CDK15: variants seen among roughly 807,000 people sequenced by gnomAD.
CDK15 encodes the protein cyclin dependent kinase 15.
A neutral mutation model predicts 60.3 loss-of-function variants in CDK15; 62 were observed. The ratio of observed to expected loss-of-function variants is 1.03; its 90% CI spans 0.84 to 1.27. CDK15 has a LOEUF of 1.27. Among genes scored for constraint, CDK15 ranks in the 50% most tolerant of loss-of-function variants. The probability of loss-of-function intolerance (pLI) is 0.00; values close to 1 mark genes in which losing one functional copy is unlikely to be tolerated. For missense variants in CDK15, 541 were observed against 527.8 expected, an observed-to-expected ratio of 1.03 and a Z score of -0.25; for synonymous variants, 194 against 195.7, an observed-to-expected ratio of 0.99 and a Z score of 0.07.
At chr2:201,829,626 G>A (rs1312081254) in intron 6 of CDK15, among the ~76,000 whole-genome samples, 1 of 152,106 alleles carries the variant, frequency 6.6e-6, no homozygotes, top group Non-Finnish European at 1.5e-5. Context: ...AAGGCAATCT[G>A]AGTTGGAGAT....
At chr2:201,855,910 C>T (rs1447317550) in intron 10 of CDK15, among the ~76,000 whole-genome samples, 1 of 151,270 alleles carries the variant, frequency 6.6e-6, no homozygotes, top group Non-Finnish European at 1.5e-5. Context: ...ACTGCAACCT[C>T]CACCTCCTGG....
rs199591982 is a variant in CDK15, at chr2:201,810,837, C to CTT, written c.369-1624_369-1623dup. ...ATAAATCATGATGATGGTATGCACT[C>CTT]TTTTTTTTTTTTTTTTTTTTTTTCT... is the stretch of plus-strand genomic sequence containing the variant. On this transcript the variant is annotated intron_variant, in intron 3 of 13. Coordinates refer to ENST00000652192, the MANE Select transcript of CDK15 (RefSeq NM_001366386.2). Among the ~76,000 whole-genome samples, 847 of 123,394 alleles carry CTT rather than the reference C, an allele frequency of 6.9e-3. 2 individuals are homozygous for CTT. The highest frequency in any genetic ancestry group is 8.8e-3 in the Non-Finnish European group (520 of 59,340). The allele number at this position is 123,394 out of a possible 152,430, so 81.0% of individuals were successfully genotyped here.
chr2:201,833,354 T>C (rs1464577755), intron 6 of CDK15, among the ~76,000 whole-genome samples: 1 of 152,222 alleles, frequency 6.6e-6, no homozygotes, highest in Non-Finnish European at 1.5e-5. Context: ...CATCTAAAGA[T>C]ATATTTTTTA....
rs199758419 is a variant in CDK15, at chr2:201,807,909, C to T, written c.325C>T (p.Leu109=). Residue 109 remains leucine (L), a synonymous_variant, in exon 3 of 14, where the codon CTG becomes TTG. Transcript: ENST00000652192. ...AASSYLNLEK[L]GEGSYATVYK... ...CTCATCTTACTTGAACTTGGAGAAG[C>T]TGGGTGAAGGCTCTTATGCGACAGT... is the stretch of plus-strand genomic sequence containing the variant. 3 of 1,614,154 alleles carry T rather than the reference C, an allele frequency of 1.9e-6. No homozygotes were observed. The highest frequency in any genetic ancestry group is 2.5e-6 in the Non-Finnish European group (3 of 1,180,026).
intron 8 of CDK15, among the ~76,000 whole-genome samples, chr2:201,836,118 A>ATTTTTATAT (rs1326442680): frequency 2.9e-5 from 1 of 34,924 alleles, no homozygotes; most frequent in Non-Finnish European, 5.9e-5. Context: ...ATTTATATAT[A>ATTTTTATAT]TTATATATTT....
At chr2:201,858,558 G>C (rs571904589) in intron 10 of CDK15, among the ~76,000 whole-genome samples, 1 of 152,216 alleles carries the variant, frequency 6.6e-6, no homozygotes, top group East Asian at 1.9e-4. Context: ...TGAAAAGTAG[G>C]CTTTGAAAAG....
Position 201,812,129 on chromosome 2 carries a change from G to A in CDK15, c.369-354G>A, listed in dbSNP as rs577044933. Among the ~76,000 whole-genome samples, 16 of 146,616 alleles carry A rather than the reference G, an allele frequency of 1.1e-4. 1 individual carries two copies. The highest frequency in any genetic ancestry group is 7.0e-3 in the Middle Eastern group (2 of 284). On this transcript the variant is annotated intron_variant, in intron 3 of 13. Coordinates refer to ENST00000652192, the MANE Select transcript of CDK15 (RefSeq NM_001366386.2). ...GTGGAGGTTGCAGTGAGCCAAGATC[G>A]TGCCACTGTACTCCAGCCTGGGCAA...
intron 4 of CDK15, among the ~76,000 whole-genome samples, chr2:201,815,268 TAAC>T (rs1207463560): frequency 6.6e-6 from 1 of 152,200 alleles, no homozygotes; most frequent in Non-Finnish European, 1.5e-5. Context: ...TCAATCCTCT[TAAC>T]AATCTTTAGA....
At chr2:201,868,544 G>T (rs1698723260) in intron 10 of CDK15, among the ~76,000 whole-genome samples, 1 of 152,142 alleles carries the variant, frequency 6.6e-6, no homozygotes, top group Non-Finnish European at 1.5e-5. Context: ...TTATTTCATT[G>T]GTTCGCTTCA....
chr2:201,872,676 G>A (rs1307876661), intron 11 of CDK15, among the ~76,000 whole-genome samples: 5 of 150,728 alleles, frequency 3.3e-5, no homozygotes, highest in Admixed American at 6.6e-5. Flanking sequence ...TGGAGGGGGG[G>A]CAACTTGATT....
intron 13 of CDK15, among the ~76,000 whole-genome samples, chr2:201,892,758 T>A (rs1326418965): frequency 1.3e-5 from 2 of 152,252 alleles, no homozygotes; most frequent in African/African-American, 4.8e-5. Context: ...AGTAATCACA[T>A]GGACACTTGG....
chr2:201,861,041 G>C, intron 10 of CDK15: 2 of 1,147,296 alleles, frequency 1.7e-6, no homozygotes, highest in African/African-American at 1.6e-5. Flanking sequence ...TATTAGCCAA[G>C]GGAGTTATTC....
chr2:201,850,123 T>C (rs894636312), intron 9 of CDK15, among the ~76,000 whole-genome samples: 1 of 152,136 alleles, frequency 6.6e-6, no homozygotes, highest in Non-Finnish European at 1.5e-5. Flanking sequence ...GCGCCCAGCC[T>C]CATAAACTGA....
chr2:201,823,753 T>C, intron 6 of CDK15, 26 bp downstream of exon 6: 1 of 1,602,716 alleles, frequency 6.2e-7, no homozygotes. Flanking sequence ...GTCAGGACCC[T>C]CTCCTGGCTT....
At chr2:201,880,243 G>A in intron 12 of CDK15, 76 bp downstream of exon 12, 1 of 1,539,594 alleles carries the variant, frequency 6.5e-7, no homozygotes, top group Non-Finnish European at 8.8e-7. Flanking sequence ...GGTGTCTTAA[G>A]TAGTTTGCCT....
intron 4 of CDK15, among the ~76,000 whole-genome samples, chr2:201,821,293 G>A (rs1432424879): frequency 6.6e-6 from 1 of 151,970 alleles, no homozygotes; most frequent in Non-Finnish European, 1.5e-5. Context: ...CCAGCCCTGG[G>A]TCATATGCCC....
chr2:201,837,908 C>A (rs944153301), intron 8 of CDK15, among the ~76,000 whole-genome samples: 3 of 152,158 alleles, frequency 2.0e-5, no homozygotes, highest in Non-Finnish European at 2.9e-5. Context: ...ACATTTTTCT[C>A]CAGTGTAGAG....
intron 9 of CDK15, among the ~76,000 whole-genome samples, chr2:201,851,291 C>CAAAAAAAA (rs1176883047): frequency 7.2e-5 from 2 of 27,746 alleles, no homozygotes; most frequent in Non-Finnish European, 1.2e-4. Flanking sequence ...GACTTCATCT[C>CAAAAAAAA]AAAAAAAAAA....
At chr2:201,839,692 A>T (rs1178090128) in intron 8 of CDK15, among the ~76,000 whole-genome samples, 1 of 95,394 alleles carries the variant, frequency 1.0e-5, no homozygotes, top group Admixed American at 9.4e-5. Flanking sequence ...ACAGACAGAT[A>T]GATAGATAAA....
Sources: gnomAD v4.1 joint callset for allele counts (sites outside exome capture counted in the v4.1 genomes callset) on GRCh38, gnomAD v4.1.1 for gene constraint, MANE v1.5 for transcripts, NCBI Gene and HGNC (gene_info 2026-07-23, HGNC 2026-07-21) for gene names.